The following STK11IP variants were observed in gnomAD, a reference collection of about 807,000 sequenced individuals.
The protein encoded by STK11IP is serine/threonine-protein kinase 11-interacting protein.
Under a neutral mutation model 131.7 loss-of-function variants are expected in STK11IP, and 103 were observed. The ratio of observed to expected loss-of-function variants is 0.78; its 90% CI spans 0.67 to 0.92. The LOEUF is 0.92. Among genes scored for constraint, STK11IP ranks in the 40% least tolerant of loss-of-function variants. The pLI is 0.00. For missense variants in STK11IP, 1,315 were observed against 1,385.7 expected (o/e 0.95, Z 0.81); for synonymous variants, 557 against 575.6 (o/e 0.97, Z 0.46).
Position 219,607,964 on chromosome 2 carries a change from C to T in STK11IP, c.1220-83C>T. The T allele has an allele frequency of 2.6e-6, 4 of 1,534,314 alleles. No individual in the cohort carries two copies. In the South Asian group the frequency reaches 3.8e-5, roughly 14 times the overall value. ...CCCCATACACAGCCCATCGCCCCCT[C>T]ATCGCTGAGGAGCACCGTTGAAGGA... On this transcript the variant is annotated intron_variant, in intron 13 of 24. Transcript: ENST00000456909.
At chr2:219,605,426 G>T (rs1427641103) in intron 7 of STK11IP, 182 bp from the exon 8 acceptor site, 10 of 608,152 alleles carry the variant, frequency 1.6e-5, no homozygotes, top group Non-Finnish European at 2.9e-5. Flanking sequence ...GAACTGTTAG[G>T]AACAGTGCTG....
At chr2:219,614,887 T>TG (rs1283177819) in intron 23 of STK11IP, 3 of 644,066 alleles carry the variant, frequency 4.7e-6, no homozygotes, top group Non-Finnish European at 8.0e-6. Flanking sequence ...TGTGGGGCAG[T>TG]GGGGGGCGGT....
intron 7 of STK11IP, 137 bp downstream of exon 7, chr2:219,602,913 CT>C: frequency 1.3e-6 from 1 of 792,994 alleles, no homozygotes; most frequent in Non-Finnish European, 2.1e-6. Context: ...GATAGCACTG[CT>C]TAGACACTAG....
intron 19 of STK11IP, 144 bp from the exon 20 acceptor site, chr2:219,612,984 G>T: frequency 4.8e-6 from 3 of 627,018 alleles, no homozygotes; most frequent in Non-Finnish European, 8.7e-6. Flanking sequence ...AGAGGCTGTC[G>T]AGTGTGAGGG....
Position 219,601,646 on chromosome 2 carries a change from C to G in STK11IP, c.273C>G (p.Val91=), listed in dbSNP as rs374529621. Reference sequence around the variant, plus strand: ...AGTTTTTTTTTTTTTTTCAGCTGGTCCATGTTGCTGGTCCTGGCCCCACAG... The same window carrying G: ...AGTTTTTTTTTTTTTTTCAGCTGGTGCATGTTGCTGGTCCTGGCCCCACAG... ...VLQKTLSLKL[V]HVAGPGPTGP... Residue 91 remains valine, a synonymous_variant, in exon 4 of 25, where the codon GTC becomes GTG. Coordinates refer to ENST00000456909, the MANE Select transcript of STK11IP (RefSeq NM_052902.4). 1.3e-4 allele frequency: 199 copies of G among 1,552,078 alleles called. No individual in the cohort carries two copies. Among genetic ancestry groups the G allele is most frequent in the Non-Finnish European group, 1.7e-4 (195 of 1,145,788 alleles).
At chr2:219,600,071 T>TG (rs1326320009) in intron 2 of STK11IP, among the ~76,000 whole-genome samples, 20 of 142,512 alleles carry the variant, frequency 1.4e-4, no homozygotes, top group African/African-American at 4.8e-4. Context: ...TTTTTTTTTT[T>TG]TTTTTTTTTG....
rs772790941 is a variant in STK11IP at position 219,613,235 on chromosome 2, A to AG, written c.2537+14dup. ...TGACTGGGGAGATGCGGTGAGTGAG[A>AG]GGGGAGATGCAGTGAGTAAGGGGGG... On this transcript the variant is annotated intron_variant, in intron 20 of 24. Transcript: ENST00000456909. 1.6e-6 allele frequency: 2 copies of AG among 1,219,218 alleles called. No individual in the cohort carries two copies. Among genetic ancestry groups the AG allele is most frequent in the Admixed American group, 2.0e-5 (1 of 49,992 alleles). 75.5% of individuals were successfully genotyped at this position (1,219,218 alleles called of 1,614,324 possible).
At position 219,616,394 on chromosome 2, in the gene STK11IP, G is replaced by A. The variant is rs1375933916; in HGVS notation, c.*201G>A. On this transcript the variant is annotated 3_prime_UTR_variant, in exon 25 of 25. Coordinates refer to ENST00000456909, the MANE Select transcript of STK11IP (RefSeq NM_052902.4). ...CTCAGGGGACAGGCCACCTGGTCAG[G>A]AGGAATATTTTTCCTGCACTTTTTC... The A allele has an allele frequency of 1.6e-6, 1 of 610,424 alleles. No individual in the cohort carries two copies. Among genetic ancestry groups the A allele is most frequent in the African/African-American group, 1.8e-5 (1 of 54,514 alleles). The allele number at this position is 610,424 out of a possible 1,614,324, so 37.8% of individuals were successfully genotyped here. A position where few individuals can be genotyped will look rare whatever the true frequency, so the allele number is the denominator to read the frequency against.
At position 219,608,299 on chromosome 2, in the gene STK11IP, G is replaced by A. The variant is rs1289989883; in HGVS notation, c.1472G>A (p.Arg491Lys). 6.2e-7 allele frequency: 1 copy of A among 1,611,038 alleles called. No homozygotes were observed. The highest frequency in any genetic ancestry group is 2.2e-5 in the East Asian group (1 of 44,742). Reference sequence around the variant, plus strand: ...CCACAGAAAATGTCAGAGGAGGTCAGGGCGGAGCCACAGGAGGAGGAAGAG... The same window carrying A: ...CCACAGAAAATGTCAGAGGAGGTCAAGGCGGAGCCACAGGAGGAGGAAGAG... Reference protein sequence around the residue: ...ESPQKMSEEVRAEPQEEEEEK... With the variant: ...ESPQKMSEEVKAEPQEEEEEK... The change falls in exon 14 of 25, where the codon AGG becomes AAG. Residue 491 changes from arginine (R) to lysine (K), a missense_variant. Transcript: ENST00000456909.
intron 21 of STK11IP, 74 bp downstream of exon 21, chr2:219,614,004 G>A: frequency 2.7e-6 from 4 of 1,505,986 alleles, no homozygotes; most frequent in Non-Finnish European, 3.6e-6. Flanking sequence ...CTCCCCACCT[G>A]GTACCCAGTA....
Position 219,606,039 on chromosome 2 carries a change from C to G in STK11IP, c.829C>G (p.Leu277Val). The G allele has an allele frequency of 6.2e-7, 1 of 1,605,790 alleles. No homozygotes were observed. The highest frequency in any genetic ancestry group is 8.5e-7 in the Non-Finnish European group (1 of 1,176,326). The change falls in exon 9 of 25, where the codon CTG (leucine) becomes GTG (valine). Residue 277 changes from leucine (L) to valine (V), a missense_variant. Transcript: ENST00000456909. ...ACACCGGGAGCTGTCACCACTGTGGCTGCTGGCTGAGCTCCGCAAGGTGAG... is the reference window on the plus strand; with the variant it reads ...ACACCGGGAGCTGTCACCACTGTGGGTGCTGGCTGAGCTCCGCAAGGTGAG... The part of the protein sequence containing the change: ...EGHRELSPLW[L>V]LAELRKLYLE...
At position 219,614,320 on chromosome 2, in the gene STK11IP, A is replaced by G; in HGVS notation, c.2798+78A>G. 3 of 1,579,430 alleles carry G rather than the reference A, an allele frequency of 1.9e-6. No homozygotes were observed. The South Asian group carries it at 3.3e-5, about 18-fold the overall frequency. Reference sequence around the variant, plus strand: ...GAGCCCCAGACATGGCCCTGTGCTGAGTAGGTCCTGGGCAGCCACCTGTCC... The same window carrying G: ...GAGCCCCAGACATGGCCCTGTGCTGGGTAGGTCCTGGGCAGCCACCTGTCC... On this transcript the variant is annotated intron_variant, in intron 22 of 24. Coordinates refer to ENST00000456909, the MANE Select transcript of STK11IP (RefSeq NM_052902.4).
chr2:219,616,005 C>T (rs1265418714), intron 24 of STK11IP, 39 bp from the exon 25 acceptor site: 1 of 1,605,186 alleles, frequency 6.2e-7, no homozygotes, highest in African/African-American at 1.3e-5. Context: ...CTGGTGTGGT[C>T]CCCATGAGCC....
At position 219,609,196 on chromosome 2, in the gene STK11IP, G is replaced by T; in HGVS notation, c.1909G>T (p.Ala637Ser). The T allele has an allele frequency of 6.2e-7, 1 of 1,605,376 alleles. No individual in the cohort carries two copies. The highest frequency in any genetic ancestry group is 8.5e-7 in the Non-Finnish European group (1 of 1,176,040). ...LRRYLVLEPD[A>S]HAAVQELLAV... ...TCGCTATTTGGTGCTGGAGCCTGAT[G>T]CCCACGCAGCTGTCCAGGTGATGGC... Residue 637 changes from alanine to serine, a missense_variant, in exon 16 of 25, where the codon GCC (alanine) becomes TCC (serine). Transcript: ENST00000456909.
chr2:219,602,917 G>A (rs1698037490), intron 7 of STK11IP, 141 bp downstream of exon 7: 2 of 780,604 alleles, frequency 2.6e-6, no homozygotes, highest in South Asian at 3.5e-5. Flanking sequence ...GCACTGCTTA[G>A]ACACTAGCAT....
rs142828517 is a variant in STK11IP, at chr2:219,606,921, A to G, written c.1134+63A>G. 1,382 of 1,587,450 alleles carry G rather than the reference A, an allele frequency of 8.7e-4. 19 individuals are homozygous for G. The African/African-American group carries it at 0.016, about 19-fold the overall frequency. ...GGTGTCTCTCCGGGGACTCTGGGCTACAGTGGGCAGGGAATGGTAGGAACT... is the reference window on the plus strand; with the variant it reads ...GGTGTCTCTCCGGGGACTCTGGGCTGCAGTGGGCAGGGAATGGTAGGAACT... On this transcript the variant is annotated intron_variant, in intron 12 of 24. Transcript: ENST00000456909.
rs759034291 is a variant in STK11IP at position 219,606,822 on chromosome 2, G to T, written c.1098G>T (p.Gly366=). The T allele has an allele frequency of 5.0e-6, 8 of 1,613,498 alleles. No individual in the cohort carries two copies. Among genetic ancestry groups the T allele is most frequent in the Middle Eastern group, 3.3e-4 (2 of 6,046 alleles). ...ACCTGAGTGACAGCCTCTCCTCAGGGGGTGTTGTGACCCAGCCCCTGCTTC... is the reference window on the plus strand; with the variant it reads ...ACCTGAGTGACAGCCTCTCCTCAGGTGGTGTTGTGACCCAGCCCCTGCTTC... ...GPDLSDSLSS[G]GVVTQPLLHK... Residue 366 remains glycine (G), a synonymous_variant, in exon 12 of 25, where the codon GGG becomes GGT. Transcript: ENST00000456909.
chr2:219,607,376 G>A (rs1161965716), intron 13 of STK11IP, among the ~76,000 whole-genome samples: 2 of 152,134 alleles, frequency 1.3e-5, no homozygotes, highest in Non-Finnish European at 2.9e-5. Context: ...GATCATGTAG[G>A]CCAGGTGCAG....
intron 2 of STK11IP, 53 bp from the exon 3 acceptor site, chr2:219,601,182 A>T: frequency 6.7e-7 from 1 of 1,488,470 alleles, no homozygotes; most frequent in Non-Finnish European, 9.2e-7. Flanking sequence ...CTTAGAATAA[A>T]GAGAAAAATC....
Sources: allele counts gnomAD v4.1 joint callset (sites outside exome capture counted in the v4.1 genomes callset), GRCh38; gene constraint gnomAD v4.1.1; transcripts MANE v1.5; gene names NCBI Gene and HGNC (gene_info 2026-07-23, HGNC 2026-07-21).